Variants in ANKFN1 observed in about 807,000 individuals in gnomAD.
ANKFN1 encodes ankyrin repeat and fibronectin type III domain containing 1, also known as ankyrin repeat and fibronectin type-III domain-containing protein 1.
In ANKFN1, 74 loss-of-function variants were observed where a neutral mutation model predicts 108.7. The ratio of observed to expected loss-of-function variants is 0.68; its 90% confidence interval spans 0.56 to 0.83. ANKFN1 has a LOEUF of 0.83. Ranked by LOEUF, ANKFN1 falls within the 40% of genes least tolerant of loss-of-function variation. The pLI is 0.00. For synonymous variants in ANKFN1, 547 were observed against 516.2 expected (o/e 1.06, Z -0.81); for missense variants, 1,505 against 1,382.3 (o/e 1.09, Z -1.41).
At chr17:56,247,822 T>C (rs1421881610) in intron 3 of ANKFN1, among the ~76,000 whole-genome samples, 1 of 152,198 alleles carries the variant, frequency 6.6e-6, no homozygotes, top group Non-Finnish European at 1.5e-5. Flanking sequence ...TTCACCTTGG[T>C]ATGTTTTCTT....
At chr17:56,101,655 T>G (rs560443116) in intron 4 of ANKFN1, among the ~76,000 whole-genome samples, 1 of 152,348 alleles carries the variant, frequency 6.6e-6, no homozygotes, top group African/African-American at 2.4e-5. Context: ...TTTTGTAGAA[T>G]GGGACATAGA....
chr17:56,322,176 C>T lies in ANKFN1; in HGVS notation c.54-4045C>T, dbSNP rs545514695. Among the ~76,000 whole-genome samples, 3 of 152,270 alleles carry T rather than the reference C, an allele frequency of 2.0e-5. No individual in the cohort carries two copies. The South Asian group carries it at 6.2e-4, about 32-fold the overall frequency. ...ACCACAACCTGCATGCCATAATTAT[C>T]TCTAGGTGTATGTACTGGAATAAAT... On this transcript the variant is annotated intron_variant, in intron 3 of 20. Coordinates refer to ENST00000682825, the MANE Select transcript of ANKFN1 (RefSeq NM_001370326.1).
chr17:56,059,282 G>A (rs1904932164), intron 4 of ANKFN1, among the ~76,000 whole-genome samples: 1 of 151,994 alleles, frequency 6.6e-6, no homozygotes, highest in South Asian at 2.1e-4. Context: ...TTGAGGGGTT[G>A]TTTTTTTCTT....
chr17:56,122,328 T>C (rs1906673747), intron 4 of ANKFN1, among the ~76,000 whole-genome samples: 1 of 152,228 alleles, frequency 6.6e-6, no homozygotes, highest in Admixed American at 6.5e-5. Flanking sequence ...TTCTTCATTT[T>C]ATAGATGAGG....
chr17:56,221,854 G>A (rs1915915435), intron 2 of ANKFN1, among the ~76,000 whole-genome samples: 2 of 152,308 alleles, frequency 1.3e-5, no homozygotes, highest in African/African-American at 2.4e-5. Flanking sequence ...CATTTACAGG[G>A]CTGGGGAAGG....
chr17:56,235,156 G>T (rs1917031675), intron 3 of ANKFN1, among the ~76,000 whole-genome samples: 1 of 151,906 alleles, frequency 6.6e-6, no homozygotes. Flanking sequence ...GTCTTCTTTT[G>T]CAGTGTCTGT....
chr17:56,163,660 CT>C (rs1909889394), intron 1 of ANKFN1, among the ~76,000 whole-genome samples: 1 of 152,250 alleles, frequency 6.6e-6, no homozygotes, highest in Non-Finnish European at 1.5e-5. Flanking sequence ...GTAGTTTATG[CT>C]GTTGACATCT....
intron 1 of ANKFN1, among the ~76,000 whole-genome samples, chr17:56,170,807 T>TATATACACAC (rs1361307404): frequency 6.5e-4 from 40 of 61,460 alleles, no homozygotes; most frequent in African/African-American, 2.1e-3. Context: ...TATATATATA[T>TATATACACAC]ACACACACAC....
chr17:56,372,849 A>G lies in ANKFN1; in HGVS notation c.796+9A>G, dbSNP rs750154030. On this transcript the variant is annotated intron_variant, in intron 7 of 20. Coordinates refer to ENST00000682825, the MANE Select transcript of ANKFN1 (RefSeq NM_001370326.1). ...AGGCTTTGAGCATGCCAGTGAGTAT[A>G]AGCAGAAAATGTCTACATTTCACTA... The G allele has an allele frequency of 1.9e-6, 3 of 1,606,762 alleles. No homozygotes were observed. The highest frequency in any genetic ancestry group is 2.7e-5 in the African/African-American group (2 of 74,550).
intron 3 of ANKFN1, among the ~76,000 whole-genome samples, chr17:56,306,862 A>T (rs1421268228): frequency 6.6e-6 from 1 of 152,216 alleles, no homozygotes; most frequent in Non-Finnish European, 1.5e-5. Context: ...ACAGCATGGT[A>T]CTGGTACCAA....
intron 6 of ANKFN1, among the ~76,000 whole-genome samples, chr17:56,360,429 T>G (rs1356786970): frequency 6.6e-6 from 1 of 152,218 alleles, no homozygotes; most frequent in Non-Finnish European, 1.5e-5. Flanking sequence ...TAAAATGACA[T>G]TTTCTCATCA....
chr17:56,141,002 C>T (rs758528354), intron 4 of ANKFN1, among the ~76,000 whole-genome samples: 1 of 152,162 alleles, frequency 6.6e-6, no homozygotes, highest in African/African-American at 2.4e-5. Flanking sequence ...CCTACTGGAG[C>T]TATGCACGTA....
In ANKFN1 at chr17:56,457,299, C is replaced by G; in HGVS notation, c.1350C>G (p.Ile450Met). 2 of 1,601,012 alleles carry G rather than the reference C, an allele frequency of 1.2e-6. No individual in the cohort carries two copies. Among genetic ancestry groups the G allele is most frequent in the Non-Finnish European group, 1.7e-6 (2 of 1,171,758 alleles). Residue 450 changes from isoleucine (I) to methionine (M), a missense_variant, in exon 13 of 21, where the codon ATC becomes ATG. Coordinates refer to ENST00000682825, the MANE Select transcript of ANKFN1 (RefSeq NM_001370326.1). ...IAVIFYYKDNILVTNEDQVPI... is the reference protein window; with the variant it reads ...IAVIFYYKDNMLVTNEDQVPI... ...TTATATTTTATTACAAAGACAATAT[C>G]TTAGTCACCAATGAAGATCAAGTAC...
chr17:56,221,734 G>A (rs1915908188), intron 2 of ANKFN1, among the ~76,000 whole-genome samples: 1 of 152,198 alleles, frequency 6.6e-6, no homozygotes. Flanking sequence ...GGGAAAAGCT[G>A]AAGCTCGGCC....
At chr17:56,457,185 T>C in intron 12 of ANKFN1, 72 bp from the exon 13 acceptor site, 1 of 1,428,312 alleles carries the variant, frequency 7.0e-7, no homozygotes, top group Non-Finnish European at 9.4e-7. Flanking sequence ...AAATTCATCT[T>C]TTATCACATC....
At chr17:56,244,808 A>G (rs1917840962) in intron 3 of ANKFN1, among the ~76,000 whole-genome samples, 1 of 152,174 alleles carries the variant, frequency 6.6e-6, no homozygotes, top group Non-Finnish European at 1.5e-5. Context: ...TTTGCTCCTC[A>G]GTAAAATAGA....
At chr17:56,133,626 C>T (rs1263834207) in intron 4 of ANKFN1, among the ~76,000 whole-genome samples, 4 of 134,830 alleles carry the variant, frequency 3.0e-5, no homozygotes, top group Admixed American at 1.4e-4. Context: ...ACTTTCTGGG[C>T]TACATTCCAT....
chr17:56,420,806 C>T (rs2048382510), intron 8 of ANKFN1, among the ~76,000 whole-genome samples: 2 of 151,162 alleles, frequency 1.3e-5, no homozygotes, highest in South Asian at 4.2e-4. Flanking sequence ...CTGCCGGGTT[C>T]ATGCCATTCT....
At chr17:56,467,834 GAAAGAAAGAAAGAAAGAA>G (rs879780629) in intron 15 of ANKFN1, among the ~76,000 whole-genome samples, 13,462 of 60,006 alleles carry the variant, frequency 0.22, 1,029 homozygotes, top group East Asian at 0.44. Flanking sequence ...AAGAAAGAAA[GAAAGAAAGAAAGAAAGAA>G]AAAGGGAAAG....
Sources: gnomAD v4.1 joint callset for allele counts (sites outside exome capture counted in the v4.1 genomes callset) on GRCh38, gnomAD v4.1.1 for gene constraint, MANE v1.5 for transcripts, NCBI Gene and HGNC (gene_info 2026-07-23, HGNC 2026-07-21) for gene names.